Variants in DMD observed in about 807,000 individuals in gnomAD.
The protein encoded by DMD is mutant dystrophin.
A neutral mutation model predicts 330.1 loss-of-function variants in DMD; 63 were observed. The ratio of observed to expected loss-of-function variants is 0.19; its 90% CI spans 0.16 to 0.24. DMD has a LOEUF of 0.24. Among genes scored for constraint, DMD ranks in the 10% least tolerant of loss-of-function variants. The probability of loss-of-function intolerance (pLI) is 1.00; values close to 1 mark genes in which losing one functional copy is unlikely to be tolerated. For missense variants in DMD, 3,344 were observed against 2,684.1 expected (o/e 1.25, Z -5.43); for synonymous variants, 1,223 against 959.8 (o/e 1.27, Z -5.07).
chrX:32,994,507 G>A (rs536549615), intron 2 of DMD, among the ~76,000 whole-genome samples: 13 of 111,521 alleles, frequency 1.2e-4, no homozygotes, highest in Non-Finnish European at 2.1e-4. Context: ...TCAGTACGTT[G>A]CTTTAAGAAT....
At chrX:32,429,798 T>C (rs1317996963) in intron 29 of DMD, among the ~76,000 whole-genome samples, 3 of 110,666 alleles carry the variant, frequency 2.7e-5, no homozygotes, top group Admixed American at 9.7e-5. Flanking sequence ...CCCTCCATAT[T>C]GTTTTTAATC....
chrX:31,456,013 T>TGCAG (rs2055419850), intron 59 of DMD, among the ~76,000 whole-genome samples: 1 of 110,920 alleles, frequency 9.0e-6, no homozygotes, highest in Non-Finnish European at 1.9e-5. Flanking sequence ...AAGAGGCCCT[T>TGCAG]GCAGGGATTG....
chrX:31,662,701 T>C (rs2081196691), intron 53 of DMD, among the ~76,000 whole-genome samples: 1 of 111,714 alleles, frequency 9.0e-6, no homozygotes, highest in African/African-American at 3.3e-5. Flanking sequence ...TTCTGCAGTT[T>C]GATCTTAAGG....
At chrX:32,418,738 C>T (rs1174052542) in intron 29 of DMD, among the ~76,000 whole-genome samples, 3 of 110,078 alleles carry the variant, frequency 2.7e-5, no homozygotes, top group African/African-American at 1.0e-4. Context: ...GGCAAGATGA[C>T]AGCCTTAAAG....
chrX:32,842,895 C>A (rs777662653), intron 4 of DMD, among the ~76,000 whole-genome samples: 4 of 111,396 alleles, frequency 3.6e-5, no homozygotes, highest in African/African-American at 1.3e-4. Flanking sequence ...GCAACCTCAG[C>A]CTCTGGGTTC....
At chrX:31,206,447 G>T in intron 66 of DMD, 135 bp downstream of exon 66, 1 of 568,062 alleles carries the variant, frequency 1.8e-6, no homozygotes, top group South Asian at 2.9e-5. Flanking sequence ...CAAATTTTAT[G>T]ACACTCTAAA....
At chrX:31,905,213 G>A (rs771897191) in intron 47 of DMD, among the ~76,000 whole-genome samples, 1 of 111,367 alleles carries the variant, frequency 9.0e-6, no homozygotes, top group South Asian at 3.7e-4. Flanking sequence ...TTTTATTTTA[G>A]CACCTTGCAT....
At chrX:33,001,284 G>A (rs909597903) in intron 2 of DMD, among the ~76,000 whole-genome samples, 1 of 111,857 alleles carries the variant, frequency 8.9e-6, no homozygotes, top group African/African-American at 3.2e-5. Context: ...AATGATAAAA[G>A]ACTCCTGTGT....
At chrX:32,580,296 C>T (rs7064409) in intron 13 of DMD, among the ~76,000 whole-genome samples, 1,409 of 111,934 alleles carry the variant, frequency 0.013, 20 homozygotes, top group African/African-American at 0.044. Context: ...CTACTACTGT[C>T]GTTATCAATA....
chrX:33,160,208 G>T (rs2048704214), intron 1 of DMD, among the ~76,000 whole-genome samples: 1 of 112,004 alleles, frequency 8.9e-6, no homozygotes, highest in Non-Finnish European at 1.9e-5. Context: ...TGGTAGATTA[G>T]GTATATTAAA....
Position 32,155,353 on chromosome X carries a change from T to A in DMD, c.6438+61563A>T, listed in dbSNP as rs759704585. 5 of 729,101 alleles carry A rather than the reference T, an allele frequency of 6.9e-6. No homozygotes were observed. In the African/African-American group the frequency reaches 9.4e-5, roughly 14 times the overall value. 60.1% of individuals were successfully genotyped at this position (729,101 alleles called of 1,213,427 possible). On this transcript the variant is annotated intron_variant, in intron 44 of 78. Transcript: ENST00000357033. Reference sequence around the variant, plus strand: ...TTCCAGCTTTTAGGCACACACACACTCAGACACACTTGCCTACCTTAATAA... The same window carrying A: ...TTCCAGCTTTTAGGCACACACACACACAGACACACTTGCCTACCTTAATAA...
chrX:33,124,964 C>T (rs768178147), intron 1 of DMD, among the ~76,000 whole-genome samples: 1 of 90,021 alleles, frequency 1.1e-5, no homozygotes, highest in East Asian at 3.9e-4. Flanking sequence ...GCGGAGGTTG[C>T]GGTGAGCCTA....
intron 1 of DMD, among the ~76,000 whole-genome samples, chrX:33,319,064 G>C (rs2053976050): frequency 9.2e-6 from 1 of 108,982 alleles, no homozygotes; most frequent in South Asian, 4.1e-4. Context: ...GAGCCAGCTC[G>C]CCTCTTCATC....
At chrX:31,753,642 ATATATATGCTT>A (rs2088796635) in intron 51 of DMD, among the ~76,000 whole-genome samples, 1 of 112,059 alleles carries the variant, frequency 8.9e-6, no homozygotes, top group Non-Finnish European at 1.9e-5. Flanking sequence ...GACATGAACC[ATATATATGCTT>A]TATTCTTTCT....
At chrX:32,773,601 T>C (rs1460987347) in intron 7 of DMD, among the ~76,000 whole-genome samples, 2 of 107,529 alleles carry the variant, frequency 1.9e-5, no homozygotes, top group Non-Finnish European at 3.8e-5. Flanking sequence ...GTAACCATCA[T>C]CCCACTCTCT....
At chrX:31,341,183 A>G (rs2057707305) in intron 61 of DMD, among the ~76,000 whole-genome samples, 1 of 112,101 alleles carries the variant, frequency 8.9e-6, no homozygotes, top group African/African-American at 3.2e-5. Context: ...CTTGAATAGC[A>G]CTTACTATGT....
intron 5 of DMD, among the ~76,000 whole-genome samples, chrX:32,819,005 G>GTTTTTTT: frequency 1.4e-5 from 1 of 69,837 alleles, no homozygotes; most frequent in Non-Finnish European, 2.6e-5. Flanking sequence ...TTCTACAGGT[G>GTTTTTTT]TTTTTTTTTT....
intron 30 of DMD, among the ~76,000 whole-genome samples, chrX:32,403,354 G>A (rs1354150755): frequency 1.8e-5 from 2 of 111,477 alleles, no homozygotes; most frequent in Admixed American, 9.6e-5. Context: ...TTAGACTGGT[G>A]CAAAAGTAAT....
At position 31,687,903 on chromosome X, in the gene DMD, C is replaced by T. The variant is rs781531776; in HGVS notation, c.7661-8317G>A. ...TCTGCTTGGTGTTCTATAACTTTGT[C>T]GTACTTGAATGTTGGTATCTTTCTC... On this transcript the variant is annotated intron_variant, in intron 52 of 78. Transcript: ENST00000357033. Among the ~76,000 whole-genome samples the T allele has an allele frequency of 3.6e-5, 4 of 111,198 alleles. No homozygotes were observed. The Admixed American group carries it at 3.8e-4, about 11-fold the overall frequency.
Sources: gnomAD v4.1 joint callset for allele counts (sites outside exome capture counted in the v4.1 genomes callset) on GRCh38, gnomAD v4.1.1 for gene constraint, MANE v1.5 for transcripts, NCBI Gene and HGNC (gene_info 2026-07-23, HGNC 2026-07-21) for gene names.